RPS6KC1: variants seen among roughly 807,000 people sequenced by gnomAD.
RPS6KC1 encodes ribosomal protein S6 kinase C1.
In RPS6KC1, 54 loss-of-function variants were observed where a neutral mutation model predicts 103.8. The observed-to-expected ratio is 0.52, with a 90% CI of 0.42 to 0.65. The LOEUF is 0.65. RPS6KC1 is among the 30% of genes least tolerant of loss of function. The probability of loss-of-function intolerance (pLI) is 0.00; values close to 1 mark genes in which losing one functional copy is unlikely to be tolerated. For synonymous variants in RPS6KC1, 439 were observed against 438.7 expected (o/e 1.00, Z -0.01); for missense variants, 1,151 against 1,253.8 (o/e 0.92, Z 1.24).
chr1:213,854,567 TCTCTCTCTC>T, the RPS6KC1 span, among the ~76,000 whole-genome samples: 3 of 135,638 alleles, frequency 2.2e-5, no homozygotes, highest in South Asian at 2.5e-4. Context: ...TTTCTTTCTC[TCTCTCTCTC>T]TCTTTCTTTC....
the RPS6KC1 span, among the ~76,000 whole-genome samples, chr1:213,523,472 T>C: frequency 6.6e-6 from 1 of 152,204 alleles, no homozygotes; most frequent in African/African-American, 2.4e-5. Flanking sequence ...AAAAATACAA[T>C]GTCTGCAAAG....
intron 7 of RPS6KC1, among the ~76,000 whole-genome samples, chr1:213,172,204 A>G (rs2091525436): frequency 6.6e-6 from 1 of 152,186 alleles, no homozygotes. Flanking sequence ...GATTGGGAAG[A>G]ATAGAGAGAG....
At chr1:213,182,337 C>G (rs2092311378) in intron 8 of RPS6KC1, among the ~76,000 whole-genome samples, 1 of 151,936 alleles carries the variant, frequency 6.6e-6, no homozygotes, top group South Asian at 2.1e-4. Flanking sequence ...ACTAAAAATA[C>G]AAAAATTAAC....
the RPS6KC1 span, among the ~76,000 whole-genome samples, chr1:213,380,838 A>C: frequency 6.6e-5 from 10 of 151,738 alleles, no homozygotes; most frequent in Admixed American, 2.6e-4. Context: ...GCGTCTGTCC[A>C]CCTCTCTCCC....
At position 213,071,394 on chromosome 1, in the gene RPS6KC1, G is replaced by T. The variant is rs143179280; in HGVS notation, c.141+353G>T. ...TCCACCTGCCTCAGCCTCCCAAAGT[G>T]CTGGGATTACAGACGTGAGCCACTG... On this transcript the variant is annotated intron_variant, in intron 2 of 14. Transcript: ENST00000366960. Among the ~76,000 whole-genome samples, 584 of 152,296 alleles carry T rather than the reference G, an allele frequency of 3.8e-3. 3 individuals are homozygous for T. Among genetic ancestry groups the T allele is most frequent in the African/African-American group, 0.014 (566 of 41,542 alleles).
chr1:213,839,563 T>C, the RPS6KC1 span, among the ~76,000 whole-genome samples: 1 of 152,200 alleles, frequency 6.6e-6, no homozygotes, highest in African/African-American at 2.4e-5. Context: ...AGAATGCCTG[T>C]CTACCTCTCC....
At chr1:213,714,111 G>A in the RPS6KC1 span, among the ~76,000 whole-genome samples, 8 of 152,248 alleles carry the variant, frequency 5.3e-5, no homozygotes, top group South Asian at 6.2e-4. Flanking sequence ...CTCTCAATTC[G>A]TTATCTCTGT....
chr1:213,056,547 G>C (rs931608962), intron 1 of RPS6KC1, among the ~76,000 whole-genome samples: 1 of 152,228 alleles, frequency 6.6e-6, no homozygotes, highest in African/African-American at 2.4e-5. Context: ...GAACAAAGGG[G>C]AGTGAGGGAA....
chr1:213,749,661 C>T, the RPS6KC1 span, among the ~76,000 whole-genome samples: 3 of 152,284 alleles, frequency 2.0e-5, no homozygotes, highest in Admixed American at 2.0e-4. Flanking sequence ...CTCCCACCTC[C>T]CCCACCTCCC....
At chr1:213,519,724 A>C in the RPS6KC1 span, among the ~76,000 whole-genome samples, 1 of 152,120 alleles carries the variant, frequency 6.6e-6, no homozygotes, top group Non-Finnish European at 1.5e-5. Flanking sequence ...CACAGTCACC[A>C]TTTTTCAGCA....
At chr1:213,820,642 T>C in the RPS6KC1 span, 1 of 152,134 alleles carries the variant, frequency 6.6e-6, no homozygotes, top group Admixed American at 6.5e-5. Flanking sequence ...AGTTTCGGAT[T>C]GGAGAAGGCC....
At chr1:213,172,206 TAG>T (rs1345176323) in intron 7 of RPS6KC1, among the ~76,000 whole-genome samples, 1 of 152,098 alleles carries the variant, frequency 6.6e-6, no homozygotes, top group South Asian at 2.1e-4. Context: ...TTGGGAAGAA[TAG>T]AGAGAGAGAT....
At chr1:213,314,656 C>CT in the RPS6KC1 span, among the ~76,000 whole-genome samples, 4,819 of 132,132 alleles carry the variant, frequency 0.036, 139 homozygotes, top group African/African-American at 0.094. Flanking sequence ...ACCACGGTGG[C>CT]TTTTTTTTTT....
At chr1:213,407,293 G>A in the RPS6KC1 span, among the ~76,000 whole-genome samples, 1 of 152,150 alleles carries the variant, frequency 6.6e-6, no homozygotes, top group African/African-American at 2.4e-5. Flanking sequence ...ACAAAGGGCG[G>A]CATGATTCTT....
the RPS6KC1 span, among the ~76,000 whole-genome samples, chr1:213,774,821 T>C: frequency 2.0e-5 from 3 of 152,206 alleles, no homozygotes; most frequent in African/African-American, 7.2e-5. Context: ...AGAGAAATAA[T>C]TTGGAATTAA....
At chr1:213,349,763 T>C in the RPS6KC1 span, among the ~76,000 whole-genome samples, 600 of 152,322 alleles carry the variant, frequency 3.9e-3, 2 homozygotes, top group African/African-American at 0.014. Flanking sequence ...ACAGGCCTTC[T>C]GTCCTTTGGA....
chr1:213,285,608 A>G, the RPS6KC1 span, among the ~76,000 whole-genome samples: 3 of 152,276 alleles, frequency 2.0e-5, no homozygotes, highest in East Asian at 5.8e-4. Flanking sequence ...GAAAGTAGCA[A>G]GAGTATATGC....
the RPS6KC1 span, among the ~76,000 whole-genome samples, chr1:213,736,823 G>A: frequency 3.6e-3 from 544 of 152,322 alleles, 6 homozygotes; most frequent in African/African-American, 0.013. Context: ...AGGCAAATGA[G>A]GATAGTTCGC....
the RPS6KC1 span, among the ~76,000 whole-genome samples, chr1:213,815,292 C>T: frequency 3.8e-3 from 578 of 152,218 alleles, 4 homozygotes; most frequent in African/African-American, 0.012. Flanking sequence ...CCAGTTTCTT[C>T]GATGCAGTGT....
Sources: gnomAD v4.1 joint callset for allele counts (sites outside exome capture counted in the v4.1 genomes callset) on GRCh38, gnomAD v4.1.1 for gene constraint, MANE v1.5 for transcripts, NCBI Gene and HGNC (gene_info 2026-07-23, HGNC 2026-07-21) for gene names.